The following PRKN variants were observed in gnomAD, a reference collection of about 807,000 sequenced individuals.
PRKN encodes the protein E3 ubiquitin-protein ligase parkin.
Under a neutral mutation model 59.5 loss-of-function variants are expected in PRKN, and 56 were observed. The observed-to-expected ratio is 0.94, with a 90% CI of 0.76 to 1.18. The LOEUF is 1.18. Ranked by LOEUF, PRKN falls within the 50% of genes most tolerant of loss-of-function variation. PRKN has a pLI of 0.00. For synonymous variants in PRKN, 250 were observed against 222.1 expected (o/e 1.13, Z -1.12); for missense variants, 657 against 596.4 (o/e 1.10, Z -1.06).
rs183414122 is a variant in PRKN, at chr6:161,354,892, C to A, written c.1286-4681G>T. ...ACAATATTTCCAAGAAATAGCCCGA[C>A]AGGGAGAAACTTTCCTACAGTCACG... On this transcript the variant is annotated intron_variant, in intron 11 of 11. Coordinates refer to ENST00000366898, the MANE Select transcript of PRKN (RefSeq NM_004562.3). This position sits in a 1 kb window ranked among gnomAD's most constrained non-coding sequence, Gnocchi z 6.7. Among the ~76,000 whole-genome samples the A allele has an allele frequency of 1.3e-5, 2 of 152,252 alleles. No homozygotes were observed. Among genetic ancestry groups the A allele is most frequent in the Non-Finnish European group, 2.9e-5 (2 of 68,052 alleles).
chr6:161,585,342 T>C (rs960253884), intron 7 of PRKN, among the ~76,000 whole-genome samples: 1 of 152,232 alleles, frequency 6.6e-6, no homozygotes, highest in African/African-American at 2.4e-5. Context: ...TTATGGCTTT[T>C]TGTGACTAAT....
intron 7 of PRKN, among the ~76,000 whole-genome samples, chr6:161,758,143 T>C (rs1183923585): frequency 6.6e-6 from 1 of 151,598 alleles, no homozygotes. Flanking sequence ...AAAATGGAAA[T>C]GGTACAACCA....
intron 6 of PRKN, among the ~76,000 whole-genome samples, chr6:161,930,648 C>T (rs1371294561): frequency 1.3e-5 from 2 of 152,132 alleles, no homozygotes; most frequent in Non-Finnish European, 2.9e-5. Flanking sequence ...ATGTCTATGT[C>T]CAAATTCAAA....
chr6:161,472,941 A>G (rs1286667957), intron 9 of PRKN, among the ~76,000 whole-genome samples: 2 of 152,200 alleles, frequency 1.3e-5, no homozygotes, highest in African/African-American at 4.8e-5. Context: ...GCAAATGAAA[A>G]CCATGAGATA....
chr6:162,335,824 C>T (rs892749476), intron 2 of PRKN, among the ~76,000 whole-genome samples: 15 of 151,846 alleles, frequency 9.9e-5, no homozygotes, highest in South Asian at 6.2e-4. Context: ...AAGTCCATGC[C>T]GAGTGAAGCG....
intron 7 of PRKN, among the ~76,000 whole-genome samples, chr6:161,730,405 T>A (rs1424480567): frequency 2.6e-5 from 4 of 151,078 alleles, no homozygotes; most frequent in Non-Finnish European, 5.9e-5. Context: ...CATTCTGACG[T>A]GCTGCATTCT....
At chr6:161,778,413 T>C (rs1790050169) in intron 7 of PRKN, among the ~76,000 whole-genome samples, 1 of 152,226 alleles carries the variant, frequency 6.6e-6, no homozygotes, top group African/African-American at 2.4e-5. Flanking sequence ...AGAAACTTTA[T>C]CATTGAAAGG....
chr6:161,485,640 A>C (rs1372655975), intron 9 of PRKN, among the ~76,000 whole-genome samples: 1 of 152,172 alleles, frequency 6.6e-6, no homozygotes, highest in Non-Finnish European at 1.5e-5. Context: ...AGAAGCTTCT[A>C]CTTGTGATGA....
intron 7 of PRKN, among the ~76,000 whole-genome samples, chr6:161,763,065 G>T (rs1029323758): frequency 3.9e-5 from 6 of 152,190 alleles, no homozygotes; most frequent in Non-Finnish European, 8.8e-5. Flanking sequence ...CCTAAGGAGA[G>T]TCAACATTGT....
rs899771552 is a variant in PRKN at position 161,502,080 on chromosome 6, T to C, written c.1083+46774A>G. On this transcript the variant is annotated intron_variant, in intron 9 of 11. Coordinates refer to ENST00000366898, the MANE Select transcript of PRKN (RefSeq NM_004562.3). The surrounding 1 kb of genome is among the most constrained non-coding windows in gnomAD (Gnocchi z 4.0). ...AATCATCTGGGCATAAAAGCTTTTT[T>C]ATGAGTTGTGTTAAAAACTGCTTTT... 6.6e-6 allele frequency among the ~76,000 whole-genome samples: 1 copy of C among 152,212 alleles called. No homozygotes were observed. Among genetic ancestry groups the C allele is most frequent in the Non-Finnish European group, 1.5e-5 (1 of 68,038 alleles).
intron 3 of PRKN, among the ~76,000 whole-genome samples, chr6:162,242,261 T>C (rs956083763): frequency 6.6e-6 from 1 of 152,086 alleles, no homozygotes; most frequent in African/African-American, 2.4e-5. Context: ...AAGTATAGAA[T>C]CCAGGAGGTG....
chr6:162,161,599 T>G (rs1009591215), intron 4 of PRKN, among the ~76,000 whole-genome samples: 3 of 152,178 alleles, frequency 2.0e-5, no homozygotes, highest in African/African-American at 7.2e-5. Flanking sequence ...ACCCTGTTTC[T>G]GCAGCCTGCC....
chr6:162,078,374 T>G (rs1778920864), intron 4 of PRKN, among the ~76,000 whole-genome samples: 2 of 152,102 alleles, frequency 1.3e-5, no homozygotes, highest in Non-Finnish European at 2.9e-5. Flanking sequence ...ATTAATACAT[T>G]TATTCATAGA....
At chr6:161,720,130 T>C (rs1787160181) in intron 7 of PRKN, among the ~76,000 whole-genome samples, 1 of 152,288 alleles carries the variant, frequency 6.6e-6, no homozygotes, top group South Asian at 2.1e-4. Flanking sequence ...AAGGCTAAAG[T>C]ATAAGAATAA....
At chr6:161,897,966 C>CAAA (rs55714271) in intron 6 of PRKN, among the ~76,000 whole-genome samples, 1,793 of 38,276 alleles carry the variant, frequency 0.047, 334 homozygotes, top group South Asian at 0.2. Context: ...GACTCCGTCT[C>CAAA]AAAAAAAAAA....
At chr6:162,652,422 A>G (rs1435275161) in intron 1 of PRKN, among the ~76,000 whole-genome samples, 3 of 152,166 alleles carry the variant, frequency 2.0e-5, no homozygotes, top group African/African-American at 7.2e-5. Context: ...CCAATTTCTC[A>G]GTACCATAGT....
rs1311126391 is a variant in PRKN at position 162,235,934 on chromosome 6, G to A, written c.412+26591C>T. Among the ~76,000 whole-genome samples the A allele has an allele frequency of 5.9e-4, 52 of 88,020 alleles. 2 individuals are homozygous for A. The highest frequency in any genetic ancestry group is 1.7e-3 in the African/African-American group (25 of 14,980). The allele number at this position is 88,020 out of a possible 152,430, so 57.7% of individuals were successfully genotyped here. On this transcript the variant is annotated intron_variant, in intron 3 of 11. Transcript: ENST00000366898. ...GGAAGGAAGGAAGGAAGGAAGGAAGGAAGGAAGGAAGGAAGGAAGAAAGGA... is the reference window on the plus strand; with the variant it reads ...GGAAGGAAGGAAGGAAGGAAGGAAGAAAGGAAGGAAGGAAGGAAGAAAGGA...
At chr6:161,623,351 G>A (rs890698274) in intron 7 of PRKN, among the ~76,000 whole-genome samples, 6 of 152,172 alleles carry the variant, frequency 3.9e-5, no homozygotes, top group Non-Finnish European at 8.8e-5. Flanking sequence ...AGTCTTGTAA[G>A]TGAATGCATA....
chr6:162,387,797 A>C (rs1474964145), intron 2 of PRKN, among the ~76,000 whole-genome samples: 1 of 152,216 alleles, frequency 6.6e-6, no homozygotes, highest in Non-Finnish European at 1.5e-5. Flanking sequence ...TATTGCCAGG[A>C]AAAGCACAGA....
Sources: allele counts gnomAD v4.1 joint callset (sites outside exome capture counted in the v4.1 genomes callset), GRCh38; gene constraint gnomAD v4.1.1; non-coding constraint Gnocchi (gnomAD v3.1); transcripts MANE v1.5; gene names NCBI Gene and HGNC (gene_info 2026-07-23, HGNC 2026-07-21).